Variants in CXCR3 observed in about 807,000 individuals in gnomAD.
CXCR3 encodes the protein C-X-C chemokine receptor type 3.
For missense variants in CXCR3, 239 were observed against 310.2 expected (o/e 0.77, Z 1.72); for synonymous variants, 136 against 148.0 (o/e 0.92, Z 0.59).
Position 71,616,876 on chromosome X carries a change from T to C in CXCR3, c.596A>G (p.Asn199Ser), listed in dbSNP as rs2040853281. 4 of 1,206,610 alleles carry C rather than the reference T, an allele frequency of 3.3e-6. No individual in the cohort carries two copies. Among genetic ancestry groups the C allele is most frequent in the Non-Finnish European group, 4.5e-6 (4 of 893,012 alleles). The change falls in exon 2 of 2, where the codon AAC becomes AGC. Residue 199 changes from asparagine (N) to serine (S), a missense_variant. Asn to Ser is a conservative substitution (Grantham distance 46). Transcript: ENST00000373693. ...GAAGTTGTATTGGCAGTGGGTGGCGTTGAGGCGCTCGTCGTGGTGGGCCGA... is the reference window on the plus strand; with the variant it reads ...GAAGTTGTATTGGCAGTGGGTGGCGCTGAGGCGCTCGTCGTGGTGGGCCGA... ...FLSAHHDERLNATHCQYNFPQ... is the reference protein window; with the variant it reads ...FLSAHHDERLSATHCQYNFPQ...
In CXCR3 at chrX:71,616,664, G is replaced by T; in HGVS notation, c.808C>A (p.Pro270Thr). 2 of 1,211,628 alleles carry T rather than the reference G, an allele frequency of 1.7e-6. No individual in the cohort carries two copies. Among genetic ancestry groups the T allele is most frequent in the Non-Finnish European group, 2.2e-6 (2 of 895,309 alleles). ...TCCACCAGCACCACCAGGTGATAGG[G>T]GGTCCAGCAGAGGGCAAAGGCCACC... ...VVVAFALCWT[P>T]YHLVVLVDIL... Residue 270 changes from proline to threonine, a missense_variant, in exon 2 of 2, where the codon CCC becomes ACC. Transcript: ENST00000373693.
Position 71,616,046 on chromosome X carries a change from C to T in CXCR3, c.*319G>A, listed in dbSNP as rs1158665089. On this transcript the variant is annotated 3_prime_UTR_variant, in exon 2 of 2. Transcript: ENST00000373693. ...GAGCTGGAGGCCTGGGCTGTGGCTTCATGGGGCAGCACCCTCTACGCCATG... is the reference window on the plus strand; with the variant it reads ...GAGCTGGAGGCCTGGGCTGTGGCTTTATGGGGCAGCACCCTCTACGCCATG... 3 of 255,152 alleles carry T rather than the reference C, an allele frequency of 1.2e-5. No individual in the cohort carries two copies. The highest frequency in any genetic ancestry group is 2.1e-5 in the Non-Finnish European group (3 of 144,998). The allele number at this position is 255,152 out of a possible 1,213,427, so 21.0% of individuals were successfully genotyped here. A position where few individuals can be genotyped will look rare whatever the true frequency, so the allele number is the denominator to read the frequency against.
rs913064075 is a variant in CXCR3, at chrX:71,616,889, C to G, written c.583G>C (p.Asp195His). 1 of 1,204,890 alleles carries G rather than the reference C, an allele frequency of 8.3e-7. No homozygotes were observed. Among genetic ancestry groups the G allele is most frequent in the South Asian group, 1.8e-5 (1 of 55,990 alleles). Residue 195 changes from aspartate (D) to histidine (H), a missense_variant, in exon 2 of 2, where the codon GAC (aspartate) becomes CAC (histidine). By Grantham distance (81) the Asp-to-His change is moderately conservative (BLOSUM62 -1). Coordinates refer to ENST00000373693, the MANE Select transcript of CXCR3 (RefSeq NM_001504.2). The part of the protein sequence containing the change: ...PDFIFLSAHH[D>H]ERLNATHCQY... ...CAGTGGGTGGCGTTGAGGCGCTCGT[C>G]GTGGTGGGCCGACAGGAAGATGAAG... is the stretch of plus-strand genomic sequence containing the variant.
chrX:71,616,984 C>A lies in CXCR3; in HGVS notation c.488G>T (p.Gly163Val), dbSNP rs766713492. 2.5e-6 allele frequency: 3 copies of A among 1,208,431 alleles called. No individual in the cohort carries two copies. Among genetic ancestry groups the A allele is most frequent in the Non-Finnish European group, 3.4e-6 (3 of 893,783 alleles). Reference protein sequence around the residue: ...IVHATQLYRRGPPARVTLTCL... With the variant: ...IVHATQLYRRVPPARVTLTCL... Reference sequence around the variant, plus strand: ...GGTGAGGGTCACGCGGGCCGGGGGCCCCCGGCGGTAGAGCTGGGTGGCATG... The same window carrying A: ...GGTGAGGGTCACGCGGGCCGGGGGCACCCGGCGGTAGAGCTGGGTGGCATG... Residue 163 changes from glycine (G) to valine (V), a missense_variant, in exon 2 of 2, where the codon GGG becomes GTG. Physicochemically the swap from Gly to Val is moderately radical, Grantham distance 109 (BLOSUM62 -3). Coordinates refer to ENST00000373693, the MANE Select transcript of CXCR3 (RefSeq NM_001504.2).
Position 71,617,340 on chromosome X carries a change from T to C in CXCR3, c.132A>G (p.Pro44=), listed in dbSNP as rs201503446. 8.3e-7 allele frequency: 1 copy of C among 1,208,917 alleles called. No individual in the cohort carries two copies. Among genetic ancestry groups the C allele is most frequent in the African/African-American group, 1.7e-5 (1 of 57,170 alleles). The change falls in exon 2 of 2, where the codon CCA becomes CCG. Residue 44 remains proline (P), a synonymous_variant. Coordinates refer to ENST00000373693, the MANE Select transcript of CXCR3 (RefSeq NM_001504.2). Reference sequence around the variant, plus strand: ...GGTCGAAGTTCAGGCTGAAGTCCTGTGGGCAGGGCGGGGAGGTACAGCACG... The same window carrying C: ...GGTCGAAGTTCAGGCTGAAGTCCTGCGGGCAGGGCGGGGAGGTACAGCACG... ...SDSCCTSPPC[P]QDFSLNFDRA...
Position 71,616,353 on chromosome X carries a change from C to G in CXCR3, c.*12G>C. On this transcript the variant is annotated 3_prime_UTR_variant, in exon 2 of 2. Transcript: ENST00000373693. ...TCAGACTGTGGGCGAAAGGGGAGCC[C>G]GGATTCCGGCCTCACAAGCCCGAGT... is the stretch of plus-strand genomic sequence containing the variant. The G allele has an allele frequency of 8.6e-7, 1 of 1,169,003 alleles. No homozygotes were observed. The highest frequency in any genetic ancestry group is 1.8e-5 in the African/African-American group (1 of 56,684).
Position 71,617,454 on chromosome X carries a change from A to G in CXCR3, c.18T>C (p.Ser6=). The G allele has an allele frequency of 8.3e-7, 1 of 1,211,335 alleles. No individual in the cohort carries two copies. The highest frequency in any genetic ancestry group is 1.1e-6 in the Non-Finnish European group (1 of 895,337). Residue 6 remains serine (S), a synonymous_variant, in exon 2 of 2, where the codon AGT becomes AGC. Transcript: ENST00000373693. The part of the protein sequence containing the change: MVLEV[S]DHQVLNDAEV... ...CGGCGTCATTTAGCACTTGGTGGTC[A>G]CTCACCTGTGAGGGCGGGAACGGGG...
At chrX:71,618,100 A>G (rs2040868706) in intron 1 of CXCR3, among the ~76,000 whole-genome samples, 1 of 104,526 alleles carries the variant, frequency 9.6e-6, no homozygotes, top group African/African-American at 3.5e-5. Context: ...CCCCAGCACT[A>G]TGGACCTGCA....
rs2040843160 is a variant in CXCR3 at position 71,616,042 on chromosome X, G to T, written c.*323C>A. 4.0e-6 allele frequency: 1 copy of T among 252,917 alleles called. No individual in the cohort carries two copies. The highest frequency in any genetic ancestry group is 7.0e-6 in the Non-Finnish European group (1 of 143,570). 20.8% of individuals were successfully genotyped at this position (252,917 alleles called of 1,213,427 possible). On this transcript the variant is annotated 3_prime_UTR_variant, in exon 2 of 2. Transcript: ENST00000373693. ...TGCTGAGCTGGAGGCCTGGGCTGTG[G>T]CTTCATGGGGCAGCACCCTCTACGC...
rs2040855157 is a variant in CXCR3 at position 71,617,007 on chromosome X, A to G, written c.465T>C (p.His155=). 4 of 1,209,826 alleles carry G rather than the reference A, an allele frequency of 3.3e-6. No individual in the cohort carries two copies. The highest frequency in any genetic ancestry group is 4.5e-6 in the Non-Finnish European group (4 of 894,391). The change falls in exon 2 of 2, where the codon CAT becomes CAC. Residue 155 remains histidine, a synonymous_variant. Coordinates refer to ENST00000373693, the MANE Select transcript of CXCR3 (RefSeq NM_001504.2). The part of the protein sequence containing the change: ...ISFDRYLNIV[H]ATQLYRRGPP... ...GCCCCCGGCGGTAGAGCTGGGTGGCATGAACTATGTTCAGGTAGCGGTCAA... is the reference window on the plus strand; with the variant it reads ...GCCCCCGGCGGTAGAGCTGGGTGGCGTGAACTATGTTCAGGTAGCGGTCAA...
At position 71,618,444 on chromosome X, in the gene CXCR3, G is replaced by C. The variant is rs1289450399; in HGVS notation, c.6C>G (p.Val2=). The change falls in exon 1 of 2, where the codon GTC becomes GTG. Residue 2 remains valine (V), a synonymous_variant. Coordinates refer to ENST00000373693, the MANE Select transcript of CXCR3 (RefSeq NM_001504.2). M[V]LEVSDHQVLN... ...GCTGGGCAGCAGCACTTACCTCAAG[G>C]ACCATGGCTGGGCTGGTGCTCTGGC... The C allele has an allele frequency of 7.5e-6, 9 of 1,195,786 alleles. No homozygotes were observed. The highest frequency in any genetic ancestry group is 9.1e-6 in the Non-Finnish European group (8 of 882,027).
Position 71,616,415 on chromosome X carries a change from G to T in CXCR3, c.1057C>A (p.Arg353=), listed in dbSNP as rs758728621. The change falls in exon 2 of 2, where the codon CGG becomes AGG. Residue 353 remains arginine, a synonymous_variant. Coordinates refer to ENST00000373693, the MANE Select transcript of CXCR3 (RefSeq NM_001504.2). Reference sequence around the variant, plus strand: ...GAGGTCTCAGACCAGGATGAATCCCGGCGGGAAGACGATGGCTGCCTCTGG... The same window carrying T: ...GAGGTCTCAGACCAGGATGAATCCCTGCGGGAAGACGATGGCTGCCTCTGG... ...GLQRQPSSSR[R]DSSWSETSEA... 6 of 1,208,216 alleles carry T rather than the reference G, an allele frequency of 5.0e-6. No homozygotes were observed. The South Asian group carries it at 8.9e-5, about 18-fold the overall frequency.
In CXCR3 at chrX:71,616,572, C is replaced by T. The variant is rs368918425; in HGVS notation, c.900G>A (p.Lys300=). Residue 300 remains lysine (K), a synonymous_variant, in exon 2 of 2, where the codon AAG becomes AAA. Transcript: ENST00000373693. ...TGTAGCCCAGGCCTGAGGTGACCGACTTGGCCACGTCTACCCTGCTTTCTC... is the reference window on the plus strand; with the variant it reads ...TGTAGCCCAGGCCTGAGGTGACCGATTTGGCCACGTCTACCCTGCTTTCTC... ...CGRESRVDVA[K]SVTSGLGYMH... 2.1e-4 allele frequency: 257 copies of T among 1,210,275 alleles called. No homozygotes were observed. The highest frequency in any genetic ancestry group is 2.6e-4 in the Non-Finnish European group (230 of 895,212).
intron 1 of CXCR3, chrX:71,617,812 C>T (rs1274912759): frequency 3.2e-6 from 2 of 627,206 alleles, no homozygotes; most frequent in Non-Finnish European, 4.5e-6. Context: ...GTGCCCCACC[C>T]CCAACACATA....
At chrX:71,617,720 G>A (rs1191023682) in intron 1 of CXCR3, 1 of 1,084,494 alleles carries the variant, frequency 9.2e-7, no homozygotes, top group African/African-American at 1.9e-5. Context: ...AGGAAGAAGA[G>A]CGTCCCTCCA....
intron 1 of CXCR3, chrX:71,618,200 C>A (rs778221372): frequency 8.9e-6 from 1 of 112,630 alleles, no homozygotes; most frequent in Non-Finnish European, 1.8e-5. Flanking sequence ...TGCCCCCCGC[C>A]CCCCCCATTT....
chrX:71,616,466 G>T lies in CXCR3; in HGVS notation c.1006C>A (p.Leu336Met). 8.3e-7 allele frequency: 1 copy of T among 1,211,657 alleles called. No individual in the cohort carries two copies. The highest frequency in any genetic ancestry group is 1.1e-6 in the Non-Finnish European group (1 of 895,370). ...RERMWMLLLR[L>M]GCPNQRGLQR... is the part of the protein sequence containing the mutation. ...AGCCCTCTCTGGTTGGGGCAGCCCAGGCGCAAGAGCAGCATCCACATCCGC... is the reference window on the plus strand; with the variant it reads ...AGCCCTCTCTGGTTGGGGCAGCCCATGCGCAAGAGCAGCATCCACATCCGC... The change falls in exon 2 of 2, where the codon CTG (leucine) becomes ATG (methionine). Residue 336 changes from leucine to methionine, a missense_variant. Physicochemically the swap from Leu to Met is conservative, Grantham distance 15. Coordinates refer to ENST00000373693, the MANE Select transcript of CXCR3 (RefSeq NM_001504.2).
At position 71,618,509 on chromosome X, in the gene CXCR3, T is replaced by G; in HGVS notation, c.-60A>C. On this transcript the variant is annotated 5_prime_UTR_variant, in exon 1 of 2. Transcript: ENST00000373693. The stretch of plus-strand genomic sequence containing the variant: ...CTGCCTGCCCCTCTGCTTTGGTGCT[T>G]GTGGTTGGAAACCTGCAGTCACAGA... The G allele has an allele frequency of 1.1e-6, 1 of 915,056 alleles. No individual in the cohort carries two copies. Among genetic ancestry groups the G allele is most frequent in the Non-Finnish European group, 1.6e-6 (1 of 627,440 alleles). 75.4% of individuals were successfully genotyped at this position (915,056 alleles called of 1,213,427 possible).
intron 1 of CXCR3, chrX:71,617,779 T>G: frequency 1.1e-6 from 1 of 944,609 alleles, no homozygotes; most frequent in Non-Finnish European, 1.4e-6. Context: ...CTGCTCTCCC[T>G]TCAGGCTTGC....
Sources: allele counts gnomAD v4.1 joint callset (sites outside exome capture counted in the v4.1 genomes callset), GRCh38; gene constraint gnomAD v4.1.1; transcripts MANE v1.5; gene names NCBI Gene and HGNC (gene_info 2026-07-23, HGNC 2026-07-21).